Variants in ZNF185 observed in about 807,000 individuals in gnomAD.
ZNF185 encodes the protein zinc finger protein 185 with LIM domain.
ZNF185 carries 56 observed loss-of-function variants against 58.6 expected under a neutral mutation model. That is an observed-to-expected ratio of 0.95 (90% confidence interval 0.77 to 1.19). The LOEUF (loss-of-function observed/expected upper bound fraction) is 1.19. ZNF185 is among the 50% of genes most tolerant of loss of function. ZNF185 has a pLI of 0.00. For synonymous variants in ZNF185, 230 were observed against 215.9 expected (o/e 1.07, Z -0.57); for missense variants, 627 against 573.5 (o/e 1.09, Z -0.95).
the ZNF185 span, among the ~76,000 whole-genome samples, chrX:152,901,239 T>C: frequency 1.5e-5 from 1 of 65,447 alleles, no homozygotes. Context: ...TTGTTTTCAC[T>C]TTTTTTTTTT....
intron 15 of ZNF185, among the ~76,000 whole-genome samples, chrX:152,939,676 G>A (rs1301210011): frequency 9.1e-6 from 1 of 109,433 alleles, no homozygotes; most frequent in African/African-American, 3.3e-5. Flanking sequence ...ACTCACTCCT[G>A]TAATGAACAC....
the ZNF185 span, among the ~76,000 whole-genome samples, chrX:152,907,135 G>T: frequency 9.0e-6 from 1 of 110,638 alleles, no homozygotes; most frequent in Non-Finnish European, 1.9e-5. Flanking sequence ...GTCCTGTGGT[G>T]TGAGAGGGAG....
chrX:152,912,136 C>T (rs185328333), upstream of ZNF185, among the ~76,000 whole-genome samples: 2 of 110,927 alleles, frequency 1.8e-5, no homozygotes, highest in Non-Finnish European at 3.8e-5. Flanking sequence ...TTTTCTGACT[C>T]TTTCATATTT....
rs372604724 is a variant in ZNF185, at chrX:152,957,794, C to T, written c.1410-1905C>T. 1.8e-4 allele frequency among the ~76,000 whole-genome samples: 20 copies of T among 112,751 alleles called. No individual in the cohort carries two copies. In the East Asian group the frequency reaches 4.2e-3, roughly 24 times the overall value. The stretch of plus-strand genomic sequence containing the variant: ...AAACGACTTTATAGCACAAAATATA[C>T]CAGATTGACTACAGCTTAAGACTAG... On this transcript the variant is annotated intron_variant, in intron 16 of 22. Transcript: ENST00000449285.
rs1603196569 is a variant in ZNF185 at position 152,920,316 on chromosome X, G to A, written c.531-12G>A. 3 of 1,208,272 alleles carry A rather than the reference G, an allele frequency of 2.5e-6. No individual in the cohort carries two copies. Among genetic ancestry groups the A allele is most frequent in the African/African-American group, 1.7e-5 (1 of 57,736 alleles). On this transcript the variant is annotated splice_polypyrimidine_tract_variant and intron_variant, in intron 7 of 22. Transcript: ENST00000449285. ...CACCCATCAGATGCTCCCCCATCCCGTGTCACCCCAGGTCAGAGGCTGCAA... is the reference window on the plus strand; with the variant it reads ...CACCCATCAGATGCTCCCCCATCCCATGTCACCCCAGGTCAGAGGCTGCAA...
rs1556878645 is a variant in ZNF185, at chrX:152,932,881, C to T, written c.1031C>T (p.Ala344Val). ...TCCACTTCTCATAACAGGTCAAGTG[C>T]ACAGTTGAGTGATGGCAATGTGGGA... The change falls in exon 14 of 23, where the codon GCA (alanine) becomes GTA (valine). Residue 344 changes from alanine to valine, a missense_variant. Coordinates refer to ENST00000449285, the Ensembl canonical transcript of ZNF185. The T allele has an allele frequency of 2.5e-6, 3 of 1,201,264 alleles. No individual in the cohort carries two copies. In the Admixed American group the frequency reaches 6.7e-5, roughly 27 times the overall value.
At chrX:152,951,004 A>G (rs909344177) in intron 16 of ZNF185, among the ~76,000 whole-genome samples, 9 of 112,428 alleles carry the variant, frequency 8.0e-5, no homozygotes, top group Admixed American at 1.9e-4. Context: ...AAGACATAAA[A>G]TCTTTGCCTC....
intron 11 of ZNF185, among the ~76,000 whole-genome samples, chrX:152,927,760 G>A (rs1941145390): frequency 8.9e-6 from 1 of 112,399 alleles, no homozygotes; most frequent in Non-Finnish European, 1.9e-5. Context: ...TGACCCTGCT[G>A]GGCCCAGAGC....
intron 10 of ZNF185, 101 bp downstream of exon 11, chrX:152,922,357 A>C: frequency 1.2e-6 from 1 of 801,526 alleles, no homozygotes; most frequent in South Asian, 2.5e-5. Flanking sequence ...CTGGGCTTCG[A>C]GATCAGTGTC....
At chrX:152,971,075 G>A (rs1212102782) in intron 22 of ZNF185, among the ~76,000 whole-genome samples, 199 bp from the exon 25 acceptor site, 1 of 111,806 alleles carries the variant, frequency 8.9e-6, no homozygotes, top group Non-Finnish European at 1.9e-5. Context: ...AATTTATCAC[G>A]GTGTCTGAGC....
the ZNF185 span, among the ~76,000 whole-genome samples, chrX:152,899,117 G>T: frequency 4.5e-5 from 5 of 112,287 alleles, no homozygotes; most frequent in Non-Finnish European, 9.4e-5. Context: ...TCGGCACGAA[G>T]CCTTGGCATC....
intron 20 of ZNF185, among the ~76,000 whole-genome samples, chrX:152,968,346 A>T (rs1036192755): frequency 8.9e-6 from 1 of 112,590 alleles, no homozygotes; most frequent in Non-Finnish European, 1.9e-5. Context: ...CCCCCTTTCC[A>T]TTGCACAACT....
At chrX:152,965,515 C>T (rs916942254) in exon 19 of ZNF185, 12 of 1,181,901 alleles carry the variant, frequency 1.0e-5, no homozygotes, top group Middle Eastern at 2.3e-4. Context: ...CCAGTATCTG[C>T]ACGCTATAGC....
At chrX:152,898,285 TG>T in the ZNF185 span, among the ~76,000 whole-genome samples, 10 of 112,212 alleles carry the variant, frequency 8.9e-5, no homozygotes, top group African/African-American at 3.2e-4. Context: ...TTGGAGGCAG[TG>T]GGGGGCACCC....
At chrX:152,936,956 G>A (rs1356812811) in intron 14 of ZNF185, among the ~76,000 whole-genome samples, 2 of 111,510 alleles carry the variant, frequency 1.8e-5, no homozygotes, top group African/African-American at 3.3e-5. Context: ...GGGCAAAAAT[G>A]GCTCCTGGGG....
At chrX:152,960,036 G>A in intron 17 of ZNF185, 140 bp downstream of exon 19, 1 of 556,518 alleles carries the variant, frequency 1.8e-6, no homozygotes, top group South Asian at 4.1e-5. Context: ...CAGAGGGAAG[G>A]AGAGAAACCA....
At chrX:152,932,772 A>G (rs974343315) in intron 13 of ZNF185, 101 bp from the exon 15 acceptor site, 51 of 572,843 alleles carry the variant, frequency 8.9e-5, no homozygotes, top group Middle Eastern at 6.2e-4. Context: ...GTAGCAGCCA[A>G]AGGCCTGTGC....
At chrX:152,942,317 A>G (rs1220190515) in intron 15 of ZNF185, among the ~76,000 whole-genome samples, 3 of 111,336 alleles carry the variant, frequency 2.7e-5, no homozygotes, top group Admixed American at 9.5e-5. Context: ...GAGAGCCTGG[A>G]CTCTGGTGCT....
At chrX:152,954,094 C>G (rs2048560973) in intron 16 of ZNF185, among the ~76,000 whole-genome samples, 1 of 109,365 alleles carries the variant, frequency 9.1e-6, no homozygotes. Context: ...AACCTCAGGA[C>G]TTGCAAACAT....
Sources: allele counts gnomAD v4.1 joint callset (sites outside exome capture counted in the v4.1 genomes callset), GRCh38; gene constraint gnomAD v4.1.1; transcripts MANE v1.5; gene names NCBI Gene and HGNC (gene_info 2026-07-23, HGNC 2026-07-21).